The following CDKAL1 variants were observed in gnomAD, a reference collection of about 807,000 sequenced individuals.
The protein encoded by CDKAL1 is CDKAL1 threonylcarbamoyladenosine tRNA methylthiotransferase.
Under a neutral mutation model 68.2 loss-of-function variants are expected in CDKAL1, and 32 were observed. The observed-to-expected ratio is 0.47, with a 90% confidence interval of 0.35 to 0.63. The LOEUF is 0.63. Ranked by LOEUF, CDKAL1 falls within the 30% of genes least tolerant of loss-of-function variation. CDKAL1 has a pLI of 0.00. For missense variants in CDKAL1, 606 were observed against 696.7 expected (o/e 0.87, Z 1.47); for synonymous variants, 234 against 244.3 (o/e 0.96, Z 0.39).
chr6:20,645,491 G>A (rs1768399913), intron 4 of CDKAL1, among the ~76,000 whole-genome samples: 1 of 152,036 alleles, frequency 6.6e-6, no homozygotes, highest in Admixed American at 6.6e-5. Context: ...TAGCAGTTTG[G>A]GAGGCCGAGG....
At chr6:20,918,018 T>C (rs1762793462) in intron 9 of CDKAL1, among the ~76,000 whole-genome samples, 2 of 152,148 alleles carry the variant, frequency 1.3e-5, no homozygotes, top group Non-Finnish European at 2.9e-5. Flanking sequence ...GGTTGAGGCA[T>C]AAGAATTGTT....
At chr6:20,900,382 T>C (rs1307767648) in intron 9 of CDKAL1, among the ~76,000 whole-genome samples, 1 of 152,266 alleles carries the variant, frequency 6.6e-6, no homozygotes, top group Non-Finnish European at 1.5e-5. Flanking sequence ...ATGTCAGTGC[T>C]AATGATTCTG....
At chr6:21,143,290 G>A (rs1394379633) in intron 13 of CDKAL1, among the ~76,000 whole-genome samples, 1 of 152,110 alleles carries the variant, frequency 6.6e-6, no homozygotes, top group Admixed American at 6.5e-5. Flanking sequence ...ATCTCTCAAA[G>A]TTTGTTTTTC....
At chr6:20,980,902 C>G (rs1766111203) in intron 10 of CDKAL1, among the ~76,000 whole-genome samples, 1 of 152,168 alleles carries the variant, frequency 6.6e-6, no homozygotes, top group Non-Finnish European at 1.5e-5. Context: ...TCTACCTACC[C>G]TTTGCCCATT....
intron 13 of CDKAL1, among the ~76,000 whole-genome samples, chr6:21,120,232 A>G (rs1032820002): frequency 6.6e-6 from 1 of 152,246 alleles, no homozygotes; most frequent in Non-Finnish European, 1.5e-5. Flanking sequence ...AAGACCTTGA[A>G]TTATGGACTA....
chr6:20,757,384 A>G (rs979125279), intron 6 of CDKAL1, among the ~76,000 whole-genome samples: 1 of 152,176 alleles, frequency 6.6e-6, no homozygotes, highest in African/African-American at 2.4e-5. Context: ...ATACAGAGAG[A>G]TAGTAAGGTG....
intron 8 of CDKAL1, among the ~76,000 whole-genome samples, chr6:20,822,150 T>A (rs1376962706): frequency 6.6e-6 from 1 of 152,160 alleles, no homozygotes; most frequent in African/African-American, 2.4e-5. Flanking sequence ...AGGAAAAATA[T>A]GCCAGCCCCT....
At chr6:20,589,519 A>T (rs936283521) in intron 4 of CDKAL1, among the ~76,000 whole-genome samples, 2 of 152,162 alleles carry the variant, frequency 1.3e-5, no homozygotes, top group Non-Finnish European at 2.9e-5. Flanking sequence ...TTGTTTCTCA[A>T]GTTTCCTTTG....
chr6:20,686,466 C>G (rs1008080461), intron 5 of CDKAL1, among the ~76,000 whole-genome samples: 3 of 152,206 alleles, frequency 2.0e-5, no homozygotes, highest in African/African-American at 7.2e-5. Flanking sequence ...GCCTGATGAT[C>G]TGTCACTGTC....
intron 6 of CDKAL1, 37 bp downstream of exon 6, chr6:20,739,652 C>T: frequency 8.7e-7 from 1 of 1,153,454 alleles, no homozygotes; most frequent in Non-Finnish European, 1.3e-6. Context: ...GAAAATCTTA[C>T]ATTGTTAACA....
chr6:20,987,443 CG>C (rs1766527896), intron 10 of CDKAL1, among the ~76,000 whole-genome samples: 1 of 151,912 alleles, frequency 6.6e-6, no homozygotes, highest in South Asian at 2.1e-4. Flanking sequence ...TTAGTAAAGA[CG>C]GGGTTTTACC....
At chr6:20,964,060 A>C (rs561729919) in intron 10 of CDKAL1, among the ~76,000 whole-genome samples, 37 of 152,126 alleles carry the variant, frequency 2.4e-4, no homozygotes, top group Non-Finnish European at 4.4e-4. Context: ...GAAAAAAAAA[A>C]CTCAACATCA....
chr6:20,561,285 T>TA (rs975834925), intron 4 of CDKAL1, among the ~76,000 whole-genome samples: 2 of 151,112 alleles, frequency 1.3e-5, no homozygotes, highest in Non-Finnish European at 3.0e-5. Flanking sequence ...CTACTAAAAA[T>TA]AAAAAAATTA....
At chr6:20,724,019 G>A (rs6903744) in intron 5 of CDKAL1, among the ~76,000 whole-genome samples, 21,429 of 152,082 alleles carry the variant, frequency 0.14, 1,857 homozygotes, top group East Asian at 0.45. Flanking sequence ...TGTAACCTCC[G>A]CCTACTGGGT....
chr6:20,951,299 T>G (rs1288049547), intron 9 of CDKAL1, among the ~76,000 whole-genome samples: 1 of 152,248 alleles, frequency 6.6e-6, no homozygotes, highest in East Asian at 1.9e-4. Flanking sequence ...TTCATTACAG[T>G]GAAGCTCATA....
At chr6:20,553,044 T>C (rs1763894302) in intron 4 of CDKAL1, among the ~76,000 whole-genome samples, 1 of 152,202 alleles carries the variant, frequency 6.6e-6, no homozygotes, top group Non-Finnish European at 1.5e-5. Context: ...AAATATACCT[T>C]ATGTATAATG....
At chr6:20,698,564 A>G (rs1248160080) in intron 5 of CDKAL1, among the ~76,000 whole-genome samples, 1 of 152,150 alleles carries the variant, frequency 6.6e-6, no homozygotes, top group Non-Finnish European at 1.5e-5. Context: ...TGGGCTGGTC[A>G]GCTGTTTTGT....
chr6:21,190,759 T>C (rs1393404232), intron 13 of CDKAL1, among the ~76,000 whole-genome samples: 3 of 152,214 alleles, frequency 2.0e-5, no homozygotes, highest in South Asian at 2.1e-4. Context: ...GTTTCTTTCT[T>C]CCTTAACACC....
chr6:20,587,229 CA>C (rs1246590527), intron 4 of CDKAL1, among the ~76,000 whole-genome samples: 4 of 151,960 alleles, frequency 2.6e-5, no homozygotes, highest in Non-Finnish European at 5.9e-5. Flanking sequence ...TCAGGTGATC[CA>C]CCTGCCGCAG....
Sources: gnomAD v4.1 joint callset for allele counts (sites outside exome capture counted in the v4.1 genomes callset) on GRCh38, gnomAD v4.1.1 for gene constraint, MANE v1.5 for transcripts, NCBI Gene and HGNC (gene_info 2026-07-23, HGNC 2026-07-21) for gene names.